The following DUSP29 variants were observed in gnomAD, a reference collection of about 807,000 sequenced individuals.
DUSP29 encodes the protein dual specificity phosphatase 29.
A neutral mutation model predicts 13.5 loss-of-function variants in DUSP29; 12 were observed. The observed-to-expected ratio is 0.89, with a 90% CI of 0.57 to 1.44. The LOEUF is 1.44. Among genes scored for constraint, DUSP29 ranks in the 40% most tolerant of loss-of-function variants. DUSP29 has a pLI of 0.00. For synonymous variants in DUSP29, 134 were observed against 128.7 expected (o/e 1.04, Z -0.28); for missense variants, 308 against 301.1 (o/e 1.02, Z -0.17).
At chr10:75,065,633 T>TAG (rs1407938043) in intron 1 of DUSP29, among the ~76,000 whole-genome samples, 6 of 152,044 alleles carry the variant, frequency 3.9e-5, no homozygotes, top group Non-Finnish European at 8.8e-5. Flanking sequence ...CCAGCCATCT[T>TAG]AATATTTTGA....
chr10:75,061,814 A>G (rs1488263069), intron 1 of DUSP29, among the ~76,000 whole-genome samples: 1 of 152,096 alleles, frequency 6.6e-6, no homozygotes, highest in East Asian at 1.9e-4. Flanking sequence ...CTCAGGAGAT[A>G]TGGGTTGGAT....
At chr10:75,066,035 G>A (rs1313983992) in intron 1 of DUSP29, among the ~76,000 whole-genome samples, 1 of 152,122 alleles carries the variant, frequency 6.6e-6, no homozygotes, top group Admixed American at 6.5e-5. Context: ...CCTATTTGAG[G>A]GTCCCTTTGA....
At chr10:75,043,698 C>CT (rs1846633957) in intron 3 of DUSP29, 99 bp downstream of exon 3, 1 of 1,105,860 alleles carries the variant, frequency 9.0e-7, no homozygotes, top group Middle Eastern at 2.9e-4. Context: ...GGGGCGGAGC[C>CT]TTAGTGGGGC....
In DUSP29 at chr10:75,043,792, C is replaced by T. The variant is rs994871991; in HGVS notation, c.421+5G>A. The T allele has an allele frequency of 1.2e-6, 2 of 1,611,004 alleles. No individual in the cohort carries two copies. Among genetic ancestry groups the T allele is most frequent in the Admixed American group, 1.7e-5 (1 of 59,992 alleles). ...CCGATCGGGGCGGGGCCGCGGGTCTCTTACTGTGGTCGTCGCTTAGCGCTC... is the reference window on the plus strand; with the variant it reads ...CCGATCGGGGCGGGGCCGCGGGTCTTTTACTGTGGTCGTCGCTTAGCGCTC... On this transcript the variant is annotated splice_donor_5th_base_variant and intron_variant, in intron 3 of 3. Transcript: ENST00000338487.
intron 1 of DUSP29, among the ~76,000 whole-genome samples, chr10:75,071,122 G>A (rs548878119): frequency 1.8e-4 from 28 of 152,346 alleles, no homozygotes; most frequent in East Asian, 1.5e-3. Flanking sequence ...TCTGAGGCAC[G>A]CTGGGTTCTG....
At chr10:75,049,694 T>C (rs1169540931) in intron 2 of DUSP29, among the ~76,000 whole-genome samples, 1 of 152,282 alleles carries the variant, frequency 6.6e-6, no homozygotes, top group Non-Finnish European at 1.5e-5. Context: ...ATTTCATTCG[T>C]GCTCGGTGCC....
intron 3 of DUSP29, among the ~76,000 whole-genome samples, chr10:75,039,416 G>A (rs542393582): frequency 1.2e-4 from 18 of 152,214 alleles, no homozygotes; most frequent in Non-Finnish European, 2.5e-4. Context: ...CTCAGGAGGC[G>A]GAGGCAGGAG....
chr10:75,060,161 A>C (rs1006995300), intron 1 of DUSP29, among the ~76,000 whole-genome samples: 1 of 151,790 alleles, frequency 6.6e-6, no homozygotes, highest in Non-Finnish European at 1.5e-5. Flanking sequence ...ACTCCATCTC[A>C]AAATAATAAT....
chr10:75,057,731 A>G (rs1269089632), intron 2 of DUSP29, among the ~76,000 whole-genome samples: 1 of 152,188 alleles, frequency 6.6e-6, no homozygotes, highest in Non-Finnish European at 1.5e-5. Context: ...ACAGTGACCT[A>G]AATTTAGGCT....
chr10:75,064,648 T>G (rs971599043), intron 1 of DUSP29, among the ~76,000 whole-genome samples: 3 of 152,194 alleles, frequency 2.0e-5, no homozygotes, highest in Non-Finnish European at 4.4e-5. Flanking sequence ...CATGAGCCAC[T>G]GCACCTGGCT....
chr10:75,058,007 G>A (rs1279969320), intron 2 of DUSP29, among the ~76,000 whole-genome samples: 2 of 152,168 alleles, frequency 1.3e-5, no homozygotes, highest in African/African-American at 2.4e-5. Flanking sequence ...GCACCTGGAG[G>A]GAAGAAGCCA....
intron 1 of DUSP29, among the ~76,000 whole-genome samples, chr10:75,071,683 G>A (rs1446545151): frequency 1.3e-5 from 2 of 152,192 alleles, no homozygotes; most frequent in African/African-American, 4.8e-5. Context: ...ACCGGAGGAG[G>A]GCCAGGAAGT....
At chr10:75,069,699 T>G (rs1847280113) in intron 1 of DUSP29, among the ~76,000 whole-genome samples, 1 of 152,040 alleles carries the variant, frequency 6.6e-6, no homozygotes. Context: ...CCCAGGGAAA[T>G]GATTGTGTTG....
At chr10:75,054,532 A>G (rs1846914491) in intron 2 of DUSP29, among the ~76,000 whole-genome samples, 1 of 152,242 alleles carries the variant, frequency 6.6e-6, no homozygotes, top group Non-Finnish European at 1.5e-5. Flanking sequence ...ACAATTATAT[A>G]AAAACAAATT....
In DUSP29 at chr10:75,049,952, G is replaced by A. The variant is rs543221036; in HGVS notation, c.201-5935C>T. On this transcript the variant is annotated intron_variant, in intron 2 of 3. Transcript: ENST00000338487. ...TGGCAGGAATCTGAGCCCAAATGCC[G>A]GACCTTGGAGGCAACTGTAGTTTAC... Among the ~76,000 whole-genome samples the A allele has an allele frequency of 1.2e-3, 186 of 152,338 alleles. 2 individuals carry two copies. The highest frequency in any genetic ancestry group is 4.2e-3 in the African/African-American group (173 of 41,582).
chr10:75,055,054 C>G (rs568021144), intron 2 of DUSP29, among the ~76,000 whole-genome samples: 72 of 152,256 alleles, frequency 4.7e-4, no homozygotes, highest in African/African-American at 1.7e-3. Context: ...ATTGCTCAGG[C>G]TACTTGCAAA....
chr10:75,071,982 G>A (rs1055953906), intron 1 of DUSP29, among the ~76,000 whole-genome samples: 10 of 152,248 alleles, frequency 6.6e-5, no homozygotes, highest in Non-Finnish European at 1.3e-4. Flanking sequence ...ATGATGCGGA[G>A]TTTGGCCAGA....
At chr10:75,046,060 T>A (rs760202336) in intron 2 of DUSP29, among the ~76,000 whole-genome samples, 1 of 151,648 alleles carries the variant, frequency 6.6e-6, no homozygotes, top group African/African-American at 2.4e-5. Flanking sequence ...GAGGCTGCAG[T>A]GAGCTGTGAT....
At chr10:75,050,464 G>C (rs1846802285) in intron 2 of DUSP29, among the ~76,000 whole-genome samples, 1 of 152,246 alleles carries the variant, frequency 6.6e-6, no homozygotes, top group African/African-American at 2.4e-5. Context: ...AAACAAGTGT[G>C]TGCTTGAAAC....
Sources: allele counts gnomAD v4.1 joint callset (sites outside exome capture counted in the v4.1 genomes callset), GRCh38; gene constraint gnomAD v4.1.1; transcripts MANE v1.5; gene names NCBI Gene and HGNC (gene_info 2026-07-23, HGNC 2026-07-21).